Variants in SH3TC1 observed in about 807,000 individuals in gnomAD.
The protein encoded by SH3TC1 is SH3 domain and tetratricopeptide repeat-containing protein 1.
Under a neutral mutation model 117.3 loss-of-function variants are expected in SH3TC1, and 135 were observed. That is an observed-to-expected ratio of 1.15 (90% confidence interval 1.00 to 1.33). The LOEUF (loss-of-function observed/expected upper bound fraction) is 1.33. Ranked by LOEUF, SH3TC1 falls within the 40% of genes most tolerant of loss-of-function variation. The pLI is 0.00. For missense variants in SH3TC1, 2,092 were observed against 1,794.3 expected (o/e 1.17, Z -3.00); for synonymous variants, 898 against 816.9 (o/e 1.10, Z -1.69).
In SH3TC1 at chr4:8,227,970, A is replaced by G; in HGVS notation, c.2276A>G (p.His759Arg). ...NLVLQNAPQPHSLPAQTSHYL... is the reference protein window; with the variant it reads ...NLVLQNAPQPRSLPAQTSHYL... Reference sequence around the variant, plus strand: ...GTGCTCCAGAACGCCCCCCAGCCCCACAGCCTCCCTGCCCAAACTTCCCAC... The same window carrying G: ...GTGCTCCAGAACGCCCCCCAGCCCCGCAGCCTCCCTGCCCAAACTTCCCAC... The change falls in exon 12 of 18, where the codon CAC (histidine) becomes CGC (arginine). Residue 759 changes from histidine to arginine, a missense_variant. His to Arg is a conservative substitution (Grantham distance 29). Transcript: ENST00000245105. 6.2e-7 allele frequency: 1 copy of G among 1,612,268 alleles called. No individual in the cohort carries two copies. The highest frequency in any genetic ancestry group is 8.5e-7 in the Non-Finnish European group (1 of 1,179,740).
Position 8,204,801 on chromosome 4 carries a change from G to A in SH3TC1, c.-28-366G>A, listed in dbSNP as rs368162502. Reference sequence around the variant, plus strand: ...CTGACAGGCGACGGAGCACTGTTCCGGGAGCACGGTCTGTTGGGTGTGACG... The same window carrying A: ...CTGACAGGCGACGGAGCACTGTTCCAGGAGCACGGTCTGTTGGGTGTGACG... On this transcript the variant is annotated intron_variant, in intron 1 of 17. Coordinates refer to ENST00000245105, the MANE Select transcript of SH3TC1 (RefSeq NM_018986.5). 1.5e-4 allele frequency: 26 copies of A among 172,686 alleles called. No individual in the cohort carries two copies. In the East Asian group the frequency reaches 3.6e-3, roughly 24 times the overall value. 10.7% of individuals were successfully genotyped at this position (172,686 alleles called of 1,614,324 possible).
At chr4:8,189,968 T>A (rs1234952599) in intron 1 of SH3TC1, among the ~76,000 whole-genome samples, 1 of 152,158 alleles carries the variant, frequency 6.6e-6, no homozygotes, top group Non-Finnish European at 1.5e-5. Context: ...GGGAAGGGAC[T>A]GCTGGGCTTG....
intron 1 of SH3TC1, among the ~76,000 whole-genome samples, chr4:8,191,438 C>T (rs568456323): frequency 1.3e-5 from 2 of 152,360 alleles, no homozygotes; most frequent in South Asian, 2.1e-4. Flanking sequence ...CTATGAGCCC[C>T]GTGTCCTCGT....
At chr4:8,191,237 C>T (rs1034466005) in intron 1 of SH3TC1, among the ~76,000 whole-genome samples, 6 of 152,240 alleles carry the variant, frequency 3.9e-5, no homozygotes, top group African/African-American at 9.6e-5. Context: ...CCTGCTGGGC[C>T]GCAGAGTCAG....
intron 11 of SH3TC1, 153 bp from the exon 12 acceptor site, chr4:8,226,827 T>C (rs77717699): frequency 6.5e-4 from 319 of 491,862 alleles, no homozygotes; most frequent in African/African-American, 5.3e-3. Flanking sequence ...TTGCACATAA[T>C]TCTCAAGGGC....
Position 8,210,416 on chromosome 4 carries a change from G to C in SH3TC1, c.247+594G>C, listed in dbSNP as rs1578666561. Among the ~76,000 whole-genome samples the C allele has an allele frequency of 6.6e-6, 1 of 152,374 alleles. No individual in the cohort carries two copies. The highest frequency in any genetic ancestry group is 1.5e-5 in the Non-Finnish European group (1 of 68,036). ...CTTTGACTTTCCTTTTGTGTGGTCA[G>C]CACTGCTGGTGGCCACTCGGGATGA... On this transcript the variant is annotated intron_variant, in intron 3 of 17. Coordinates refer to ENST00000245105, the MANE Select transcript of SH3TC1 (RefSeq NM_018986.5). This position sits in a 1 kb window ranked among gnomAD's most constrained non-coding sequence, Gnocchi z 4.1.
intron 13 of SH3TC1, chr4:8,232,655 G>T: frequency 1.5e-6 from 2 of 1,294,526 alleles, no homozygotes; most frequent in South Asian, 2.5e-5. Flanking sequence ...TGGCTCTCCT[G>T]GAGCATCCTG....
At position 8,228,375 on chromosome 4, in the gene SH3TC1, G is replaced by C. The variant is rs377116720; in HGVS notation, c.2681G>C (p.Arg894Pro). ...ESYYRALRVA[R>P]DLGQQRNQAV... ...TACTACCGCGCCCTGCGGGTGGCTCGGGACCTGGGCCAGCAAAGGAACCAG... is the reference window on the plus strand; with the variant it reads ...TACTACCGCGCCCTGCGGGTGGCTCCGGACCTGGGCCAGCAAAGGAACCAG... Residue 894 changes from arginine to proline, a missense_variant, in exon 12 of 18, where the codon CGG becomes CCG. Arg to Pro is a moderately radical substitution (Grantham distance 103). Transcript: ENST00000245105. 3 of 1,611,152 alleles carry C rather than the reference G, an allele frequency of 1.9e-6. No homozygotes were observed. The highest frequency in any genetic ancestry group is 4.5e-5 in the East Asian group (2 of 44,856).
At chr4:8,223,047 C>T in intron 10 of SH3TC1, 77 bp downstream of exon 10, 3 of 1,531,940 alleles carry the variant, frequency 2.0e-6, no homozygotes, top group Non-Finnish European at 2.6e-6. Context: ...CCTCGTCCAT[C>T]CACAGATAGT....
chr4:8,187,269 G>A (rs1276442583), intron 1 of SH3TC1, among the ~76,000 whole-genome samples: 1 of 152,204 alleles, frequency 6.6e-6, no homozygotes, highest in African/African-American at 2.4e-5. Flanking sequence ...TCTTAGCAAG[G>A]ACACCTGCTA....
upstream of SH3TC1, chr4:8,199,174 C>T (rs1717671132): frequency 1.3e-5 from 2 of 152,292 alleles, no homozygotes; most frequent in Admixed American, 1.3e-4. Flanking sequence ...TGTGCAGCCG[C>T]CCTGGGCCTG....
In SH3TC1 at chr4:8,241,100, A is replaced by G. The variant is rs1722311058; in HGVS notation, c.*145A>G. 5 of 1,217,312 alleles carry G rather than the reference A, an allele frequency of 4.1e-6. No individual in the cohort carries two copies. Among genetic ancestry groups the G allele is most frequent in the Admixed American group, 2.7e-5 (1 of 36,390 alleles). 75.4% of individuals were successfully genotyped at this position (1,217,312 alleles called of 1,614,324 possible). ...AAATGGGTTTTGTTTTTTTTTTGCA[A>G]TAACTTATTGAAGTCAGCAGGGCAT... On this transcript the variant is annotated 3_prime_UTR_variant, in exon 18 of 18. Coordinates refer to ENST00000245105, the MANE Select transcript of SH3TC1 (RefSeq NM_018986.5).
chr4:8,204,631 G>C (rs1286106975), intron 1 of SH3TC1, among the ~76,000 whole-genome samples: 3 of 152,246 alleles, frequency 2.0e-5, no homozygotes, highest in African/African-American at 7.2e-5. Flanking sequence ...CGGAGCTGAG[G>C]AGGACGTGGC....
chr4:8,204,010 C>T (rs955108190), intron 1 of SH3TC1, among the ~76,000 whole-genome samples: 2 of 152,196 alleles, frequency 1.3e-5, no homozygotes, highest in East Asian at 1.9e-4. Flanking sequence ...CTCTGAGGCC[C>T]GGACGGAGGC....
At chr4:8,240,081 A>T (rs563917396) in intron 17 of SH3TC1, among the ~76,000 whole-genome samples, 1 of 151,540 alleles carries the variant, frequency 6.6e-6, no homozygotes, top group Non-Finnish European at 1.5e-5. Context: ...CATGTGGAGG[A>T]GGTGCCTGGG....
chr4:8,222,702 ATC>A, intron 9 of SH3TC1, 136 bp from the exon 10 acceptor site: 1 of 1,085,132 alleles, frequency 9.2e-7, no homozygotes, highest in Non-Finnish European at 1.3e-6. Context: ...TTGTTTTTAA[ATC>A]TCTGTCTCTA....
At position 8,210,926 on chromosome 4, in the gene SH3TC1, A is replaced by G. The variant is rs945733333; in HGVS notation, c.247+1104A>G. ...TTTGCTCAAGGGTCCCCTAGCAGAA[A>G]ACTCTCAGGCAGGTGCTTTAAGCTT... is the stretch of plus-strand genomic sequence containing the variant. On this transcript the variant is annotated intron_variant, in intron 3 of 17. Transcript: ENST00000245105. This position sits in a 1 kb window ranked among gnomAD's most constrained non-coding sequence, Gnocchi z 4.1. Among the ~76,000 whole-genome samples, 1 of 151,684 alleles carries G rather than the reference A, an allele frequency of 6.6e-6. No homozygotes were observed. The highest frequency in any genetic ancestry group is 1.5e-5 in the Non-Finnish European group (1 of 67,956).
In SH3TC1 at chr4:8,219,501, C is replaced by T. The variant is rs754372799; in HGVS notation, c.1083C>T (p.Ser361=). 1.9e-6 allele frequency: 3 copies of T among 1,585,802 alleles called. No individual in the cohort carries two copies. ...GCCGGGTGGGGTTTGTGCGGAGCAG[C>T]CTCATCAGCATGCAGGGCCCCGTGT... ...ASGRVGFVRS[S]LISMQGPVSE... Residue 361 remains serine, a synonymous_variant, in exon 9 of 18, where the codon AGC becomes AGT. Coordinates refer to ENST00000245105, the MANE Select transcript of SH3TC1 (RefSeq NM_018986.5).
chr4:8,200,874 CTG>C (rs1002516377), intron 1 of SH3TC1, among the ~76,000 whole-genome samples: 5 of 152,256 alleles, frequency 3.3e-5, no homozygotes, highest in Non-Finnish European at 7.3e-5. Context: ...CCCGGCTCCT[CTG>C]TGTGTCTCCG....
Sources: gnomAD v4.1 joint callset for allele counts (sites outside exome capture counted in the v4.1 genomes callset) on GRCh38, gnomAD v4.1.1 for gene constraint, Gnocchi (gnomAD v3.1) non-coding constraint, MANE v1.5 for transcripts, NCBI Gene and HGNC (gene_info 2026-07-23, HGNC 2026-07-21) for gene names.